FAAH2: variants seen among roughly 807,000 people sequenced by gnomAD.
The protein encoded by FAAH2 is fatty acid amide hydrolase 2.
In FAAH2, 60 loss-of-function variants were observed where a neutral mutation model predicts 36.9. The observed-to-expected ratio is 1.63, with a 90% CI of 1.32 to 2.02. FAAH2 has a LOEUF of 2.02. Ranked by LOEUF, FAAH2 falls within the 30% of genes most tolerant of loss-of-function variation. The probability of loss-of-function intolerance (pLI) is 0.00; values close to 1 mark genes in which losing one functional copy is unlikely to be tolerated. For synonymous variants in FAAH2, 214 were observed against 143.8 expected, an observed-to-expected ratio of 1.49 and a Z score of -3.49; for missense variants, 689 against 397.5, an observed-to-expected ratio of 1.73 and a Z score of -6.23.
intron 5 of FAAH2, among the ~76,000 whole-genome samples, chrX:57,367,429 A>G (rs1200971680): frequency 8.9e-6 from 1 of 112,545 alleles, no homozygotes; most frequent in Non-Finnish European, 1.9e-5. Context: ...ACACACTGTT[A>G]GTAAAAATAT....
chrX:57,460,201 TGAG>T (rs1292224106), intron 10 of FAAH2, among the ~76,000 whole-genome samples: 1 of 111,482 alleles, frequency 9.0e-6, no homozygotes, highest in Non-Finnish European at 1.9e-5. Flanking sequence ...CTGAAAGTGA[TGAG>T]GAGAATGGAA....
the FAAH2 span, among the ~76,000 whole-genome samples, chrX:57,150,684 A>T: frequency 8.9e-6 from 1 of 112,229 alleles, no homozygotes; most frequent in African/African-American, 3.2e-5. Context: ...TCGTGAATAC[A>T]GCACACTGAT....
chrX:57,441,885 G>A (rs772105220), intron 8 of FAAH2, among the ~76,000 whole-genome samples: 40 of 111,619 alleles, frequency 3.6e-4, no homozygotes, highest in Non-Finnish European at 7.1e-4. Context: ...TCATTCACGA[G>A]CAGGTTGTTC....
intron 5 of FAAH2, among the ~76,000 whole-genome samples, chrX:57,341,694 C>T (rs1279409141): frequency 3.6e-5 from 4 of 110,095 alleles, no homozygotes; most frequent in African/African-American, 1.3e-4. Flanking sequence ...AAACCGGCTC[C>T]AAATTAAATA....
At chrX:57,285,327 G>A (rs920028463), upstream of FAAH2, among the ~76,000 whole-genome samples, 3 of 111,816 alleles carry the variant, frequency 2.7e-5, no homozygotes, top group African/African-American at 9.8e-5. Context: ...TATCTTCAAC[G>A]CTCATTATCT....
intron 10 of FAAH2, among the ~76,000 whole-genome samples, chrX:57,454,385 G>T (rs902780518): frequency 3.5e-4 from 39 of 111,648 alleles, no homozygotes; most frequent in African/African-American, 1.2e-3. Flanking sequence ...ATGAATCCAA[G>T]AACTGGCAAC....
At chrX:57,359,469 C>T (rs991672359) in intron 5 of FAAH2, among the ~76,000 whole-genome samples, 1 of 111,007 alleles carries the variant, frequency 9.0e-6, no homozygotes, top group Non-Finnish European at 1.9e-5. Flanking sequence ...AGTTTTATTC[C>T]AATAGATTGG....
intron 10 of FAAH2, among the ~76,000 whole-genome samples, chrX:57,480,978 T>A (rs2057368901): frequency 9.1e-6 from 1 of 109,943 alleles, no homozygotes; most frequent in Non-Finnish European, 1.9e-5. Context: ...AATCTTGCCT[T>A]ATTTCAGTAA....
At chrX:57,487,163 A>C (rs1273360058) in intron 10 of FAAH2, among the ~76,000 whole-genome samples, 2 of 111,306 alleles carry the variant, frequency 1.8e-5, no homozygotes, top group Non-Finnish European at 1.9e-5. Context: ...CTAAATGTAA[A>C]AGCTAAAACT....
chrX:57,324,470 G>A (rs1429358595), intron 3 of FAAH2, among the ~76,000 whole-genome samples: 1 of 111,942 alleles, frequency 8.9e-6, no homozygotes, highest in Non-Finnish European at 1.9e-5. Flanking sequence ...TCCTACCCAT[G>A]AGCATGGAAT....
intron 7 of FAAH2, among the ~76,000 whole-genome samples, chrX:57,396,532 T>A (rs745990725): frequency 5.5e-4 from 61 of 110,987 alleles, no homozygotes; most frequent in African/African-American, 1.9e-3. Context: ...GTATGTTGTG[T>A]CCCCATTTTT....
At chrX:57,393,085 G>A (rs1470913141) in intron 7 of FAAH2, 14 of 925,119 alleles carry the variant, frequency 1.5e-5, no homozygotes, top group Non-Finnish European at 2.0e-5. Context: ...CCTTCTGCCA[G>A]TGAGTGCACT....
intron 2 of FAAH2, among the ~76,000 whole-genome samples, chrX:57,296,068 C>A (rs2052143968): frequency 8.9e-6 from 1 of 112,296 alleles, no homozygotes; most frequent in African/African-American, 3.2e-5. Flanking sequence ...CCTCTGCAGA[C>A]TTAAATGTCC....
the FAAH2 span, among the ~76,000 whole-genome samples, chrX:57,162,239 C>T: frequency 8.9e-6 from 1 of 112,063 alleles, no homozygotes; most frequent in Non-Finnish European, 1.9e-5. Flanking sequence ...CGCTGTTAGT[C>T]TGATGGGCTT....
chrX:57,349,765 C>G (rs1294673259), intron 5 of FAAH2, among the ~76,000 whole-genome samples: 1 of 107,885 alleles, frequency 9.3e-6, no homozygotes, highest in Non-Finnish European at 1.9e-5. Context: ...TTTGGGACAA[C>G]ATAAATCAAC....
chrX:57,479,235 A>G (rs1052673838), intron 10 of FAAH2, among the ~76,000 whole-genome samples: 1 of 111,182 alleles, frequency 9.0e-6, no homozygotes, highest in African/African-American at 3.3e-5. Context: ...TAGGTATTTT[A>G]TTCTCTTTGA....
the FAAH2 span, among the ~76,000 whole-genome samples, chrX:57,143,665 A>AG: frequency 0.011 from 1,188 of 110,564 alleles, 10 homozygotes; most frequent in South Asian, 0.023. Context: ...TTTGGTAGAC[A>AG]GGGGGTTTCT....
At chrX:57,364,260 G>A (rs1167399333) in intron 5 of FAAH2, among the ~76,000 whole-genome samples, 4 of 108,907 alleles carry the variant, frequency 3.7e-5, no homozygotes, top group Non-Finnish European at 7.6e-5. Flanking sequence ...CAGGGTTTCA[G>A]TTTCTTTCTG....
intron 7 of FAAH2, chrX:57,395,427 T>A: frequency 1.5e-6 from 1 of 665,874 alleles, no homozygotes. Context: ...ATTAGTCTGC[T>A]GCCCACGATG....
Sources: gnomAD v4.1 joint callset for allele counts (sites outside exome capture counted in the v4.1 genomes callset) on GRCh38, gnomAD v4.1.1 for gene constraint, MANE v1.5 for transcripts, NCBI Gene and HGNC (gene_info 2026-07-23, HGNC 2026-07-21) for gene names.